HLA-DQA1: variants seen among roughly 807,000 people sequenced by gnomAD.
HLA-DQA1 encodes HLA class II histocompatibility antigen, DQ alpha 1 chain.
In HLA-DQA1, 10 loss-of-function variants were observed where a neutral mutation model predicts 20.7. That is an observed-to-expected ratio of 0.48 (90% CI 0.30 to 0.82). The LOEUF (loss-of-function observed/expected upper bound fraction) is 0.82, where lower values mean the gene tolerates loss of function less well. Among genes scored for constraint, HLA-DQA1 ranks in the 40% least tolerant of loss-of-function variants. The pLI, the probability that HLA-DQA1 is intolerant of heterozygous loss-of-function variation, is 0.07. For synonymous variants in HLA-DQA1, 39 were observed against 109.2 expected, an observed-to-expected ratio of 0.36 and a Z score of 4.01; for missense variants, 127 against 293.0, an observed-to-expected ratio of 0.43 and a Z score of 4.14.
At chr6:32,645,525 C>G (rs1335474939), downstream of HLA-DQA1, 5 of 142,052 alleles carry the variant, frequency 3.5e-5, no homozygotes, top group African/African-American at 1.3e-4. Flanking sequence ...GTAATGCTGG[C>G]TCACCCACTG....
chr6:32,639,016 T>C (rs28437906), intron 1 of HLA-DQA1: 83,219 of 309,376 alleles, frequency 0.27, 25,941 homozygotes, highest in South Asian at 0.31. Flanking sequence ...TGGAAGGTAC[T>C]TTAAACTTTC....
At chr6:32,640,411 C>T (rs1238383135) in intron 1 of HLA-DQA1, among the ~76,000 whole-genome samples, 1 of 99,928 alleles carries the variant, frequency 1.0e-5, no homozygotes, top group Admixed American at 1.2e-4. Flanking sequence ...CAAAAAAGTC[C>T]AGTTTGGCTC....
downstream of HLA-DQA1, among the ~76,000 whole-genome samples, chr6:32,650,864 TAATAATAATAATAATAATAATAATAAA>T (rs1245862949): frequency 8.0e-5 from 2 of 25,076 alleles, 1 homozygote; most frequent in African/African-American, 2.5e-4. Context: ...ATAATAATAA[TAATAATAATAATAATAATAATAATAAA>T]GAATTCTTTT....
chr6:32,645,904 G>T (rs9273212), downstream of HLA-DQA1: 4 of 62,122 alleles, frequency 6.4e-5, no homozygotes, highest in Non-Finnish European at 7.1e-5. Context: ...AATATAAGGG[G>T]TATACTGAAT....
At chr6:32,655,265 T>TTATTTTTTTAATTTGTTTTAA in the HLA-DQA1 span, among the ~76,000 whole-genome samples, 21,412 of 77,052 alleles carry the variant, frequency 0.28, 1,679 homozygotes, top group Middle Eastern at 0.35. Context: ...TTCTGTTTTT[T>TTATTTTTTTAATTTGTTTTAA]AAAATCACCT....
the HLA-DQA1 span, among the ~76,000 whole-genome samples, chr6:32,655,032 CAAAA>C: frequency 1.0e-3 from 44 of 43,046 alleles, 12 homozygotes; most frequent in South Asian, 0.018. Flanking sequence ...GACTCTGTCC[CAAAA>C]AAAAAAAAAA....
chr6:32,638,392 C>T (rs941898926), intron 1 of HLA-DQA1, among the ~76,000 whole-genome samples: 357 of 118,220 alleles, frequency 3.0e-3, no homozygotes, highest in East Asian at 5.4e-3. Context: ...GAAAAGTGGG[C>T]CAGACAAGGT....
rs1055548785 is a variant in HLA-DQA1 at position 32,643,142 on chromosome 6, T to C, written c.*211T>C. 2 of 357,726 alleles carry C rather than the reference T, an allele frequency of 5.6e-6. No individual in the cohort carries two copies. Among genetic ancestry groups the C allele is most frequent in the African/African-American group, 4.7e-5 (2 of 42,410 alleles). The allele number at this position is 357,726 out of a possible 1,614,324, so 22.2% of individuals were successfully genotyped here. On this transcript the variant is annotated 3_prime_UTR_variant, in exon 5 of 5. Coordinates refer to ENST00000343139, the MANE Select transcript of HLA-DQA1 (RefSeq NM_002122.5). ...ATTCTTTCCCTGACCTCCTGATTTT[T>C]TTTTTCTTTTCTCAAATGTTACCTA...
chr6:32,639,087 T>C (rs28383362), intron 1 of HLA-DQA1: 26,356 of 226,188 alleles, frequency 0.12, 4,821 homozygotes, highest in Admixed American at 0.22. Context: ...AAGTTTCACC[T>C]GCTTCTCCAG....
chr6:32,640,063 G>A (rs867295201), intron 1 of HLA-DQA1, among the ~76,000 whole-genome samples: 2 of 100,870 alleles, frequency 2.0e-5, no homozygotes, highest in South Asian at 6.2e-4. Context: ...ATTTCTCCAG[G>A]AAGTCCTAAA....
downstream of HLA-DQA1, among the ~76,000 whole-genome samples, chr6:32,651,388 T>C (rs1308817935): frequency 2.5e-5 from 2 of 81,098 alleles, 1 homozygote; most frequent in Non-Finnish European, 5.3e-5. Context: ...ATCAAGACCA[T>C]CCTGGCTAAC....
rs1781257570 is a variant in HLA-DQA1 at position 32,640,133 on chromosome 6, A to T, written c.83-1177A>T. Among the ~76,000 whole-genome samples the T allele has an allele frequency of 1.9e-5, 2 of 102,688 alleles. 1 individual carries two copies. Among genetic ancestry groups the T allele is most frequent in the Non-Finnish European group, 4.3e-5 (2 of 46,140 alleles). 67.4% of individuals were successfully genotyped at this position (102,688 alleles called of 152,430 possible). A position where few individuals can be genotyped will look rare whatever the true frequency, so the allele number is the denominator to read the frequency against. ...CACTGCAAAGACCAGGGAACATGAA[A>T]GGATAATGTAGTTTGTCTTGCTTGG... On this transcript the variant is annotated intron_variant, in intron 1 of 4. Coordinates refer to ENST00000343139, the MANE Select transcript of HLA-DQA1 (RefSeq NM_002122.5).
At chr6:32,654,014 A>T in the HLA-DQA1 span, among the ~76,000 whole-genome samples, 1 of 110,462 alleles carries the variant, frequency 9.1e-6, no homozygotes, top group African/African-American at 3.3e-5. Flanking sequence ...GTTGGTCAAA[A>T]GGTACAAAGA....
downstream of HLA-DQA1, chr6:32,644,907 GGGAA>G: frequency 7.5e-6 from 1 of 133,700 alleles, no homozygotes; most frequent in Admixed American, 8.1e-5. Flanking sequence ...GTTTACTTTG[GGGAA>G]GAAGTGAAGA....
chr6:32,652,247 C>G, the HLA-DQA1 span, among the ~76,000 whole-genome samples: 267 of 83,214 alleles, frequency 3.2e-3, 86 homozygotes, highest in East Asian at 0.049. Flanking sequence ...TGCCACTGCA[C>G]TCCAGCCTGG....
At chr6:32,640,329 G>A in intron 1 of HLA-DQA1, among the ~76,000 whole-genome samples, 1 of 100,294 alleles carries the variant, frequency 1.0e-5, no homozygotes, top group Admixed American at 1.2e-4. Flanking sequence ...GGCTATGTCT[G>A]ACACTTGTGG....
downstream of HLA-DQA1, chr6:32,646,497 C>T (rs1781924950): frequency 1.1e-5 from 1 of 89,896 alleles, no homozygotes; most frequent in South Asian, 3.4e-4. Context: ...TTCAATACTT[C>T]AGTGGGCTAA....
downstream of HLA-DQA1, among the ~76,000 whole-genome samples, chr6:32,650,224 T>C (rs1381055097): frequency 1.2e-3 from 112 of 96,936 alleles, 34 homozygotes; most frequent in African/African-American, 3.9e-3. Context: ...TGTGGAGAAA[T>C]AGGAATGCTT....
rs369301770 is a variant in HLA-DQA1, at chr6:32,638,160, G to T, written c.82+620G>T. Among the ~76,000 whole-genome samples, 82 of 118,710 alleles carry T rather than the reference G, an allele frequency of 6.9e-4. 6 individuals carry two copies. The South Asian group carries it at 0.015, about 22-fold the overall frequency. 77.9% of individuals were successfully genotyped at this position (118,710 alleles called of 152,430 possible). Reference sequence around the variant, plus strand: ...CCTCACAAGTAATCAAATAAAATGGGCATGTGGCTAAGCTTTGTAAATAGT... The same window carrying T: ...CCTCACAAGTAATCAAATAAAATGGTCATGTGGCTAAGCTTTGTAAATAGT... On this transcript the variant is annotated intron_variant, in intron 1 of 4. Transcript: ENST00000343139.
Sources: allele counts gnomAD v4.1 joint callset (sites outside exome capture counted in the v4.1 genomes callset), GRCh38; gene constraint gnomAD v4.1.1; transcripts MANE v1.5; gene names NCBI Gene and HGNC (gene_info 2026-07-23, HGNC 2026-07-21).